The following ANO10 variants were observed in gnomAD, a reference collection of about 807,000 sequenced individuals.
ANO10 encodes anoctamin 10, also known as anoctamin-10.
A neutral mutation model predicts 74.7 loss-of-function variants in ANO10; 77 were observed. The observed-to-expected ratio is 1.03, with a 90% CI of 0.86 to 1.25. The LOEUF is 1.25. ANO10 is among the 50% of genes most tolerant of loss of function. The pLI, the probability that ANO10 is intolerant of heterozygous loss-of-function variation, is 0.00. For missense variants in ANO10, 721 were observed against 778.1 expected, an observed-to-expected ratio of 0.93 and a Z score of 0.87; for synonymous variants, 279 against 284.9, an observed-to-expected ratio of 0.98 and a Z score of 0.21.
At chr3:43,480,233 G>A (rs2076215589) in intron 11 of ANO10, among the ~76,000 whole-genome samples, 1 of 152,034 alleles carries the variant, frequency 6.6e-6, no homozygotes, top group Admixed American at 6.6e-5. Flanking sequence ...TACAACAAAT[G>A]GTAAGTCCAG....
intron 12 of ANO10, among the ~76,000 whole-genome samples, chr3:43,409,917 TTC>T (rs1294253685): frequency 1.3e-5 from 2 of 152,182 alleles, no homozygotes; most frequent in Admixed American, 6.5e-5. Context: ...TTGAATATTG[TTC>T]TTTCTTTTTT....
At chr3:43,463,113 G>A (rs192643606) in intron 11 of ANO10, among the ~76,000 whole-genome samples, 11 of 152,344 alleles carry the variant, frequency 7.2e-5, no homozygotes, top group Admixed American at 2.6e-4. Context: ...CCCCCACACA[G>A]AGTCTCTACT....
At chr3:43,589,976 A>C (rs1326780590) in intron 4 of ANO10, among the ~76,000 whole-genome samples, 2 of 152,198 alleles carry the variant, frequency 1.3e-5, no homozygotes, top group South Asian at 2.1e-4. Context: ...AAGGTTATAT[A>C]ATAGGGAGGG....
intron 1 of ANO10, chr3:43,690,963 A>G (rs367627114): frequency 4.5e-6 from 7 of 1,558,178 alleles, no homozygotes; most frequent in South Asian, 2.3e-5. Context: ...CGGCTTCGAG[A>G]TAAGTCCCGG....
chr3:43,580,999 T>C (rs576404061), intron 4 of ANO10, among the ~76,000 whole-genome samples: 5 of 152,308 alleles, frequency 3.3e-5, no homozygotes, highest in African/African-American at 1.2e-4. Context: ...TTTAAAAATA[T>C]GTTTCCTTTT....
upstream of ANO10, among the ~76,000 whole-genome samples, chr3:43,623,317 G>A (rs1402835374): frequency 1.3e-5 from 2 of 151,976 alleles, no homozygotes; most frequent in African/African-American, 4.8e-5. Context: ...ATTATTCATT[G>A]TTGTTAATCC....
intron 1 of ANO10, among the ~76,000 whole-genome samples, chr3:43,666,376 C>T (rs1240061612): frequency 2.6e-5 from 4 of 152,070 alleles, no homozygotes; most frequent in African/African-American, 7.2e-5. Context: ...AACTAAACCT[C>T]GTAATTAGTT....
intron 11 of ANO10, among the ~76,000 whole-genome samples, chr3:43,458,528 A>T (rs775743284): frequency 1.3e-5 from 2 of 152,204 alleles, no homozygotes; most frequent in Non-Finnish European, 2.9e-5. Context: ...CTACATAGGA[A>T]ATATTTCTAC....
At chr3:43,661,941 C>A (rs765206050) in intron 1 of ANO10, among the ~76,000 whole-genome samples, 1 of 152,092 alleles carries the variant, frequency 6.6e-6, no homozygotes, top group Non-Finnish European at 1.5e-5. Context: ...ACTTAGATTC[C>A]CACACAATAA....
intron 11 of ANO10, among the ~76,000 whole-genome samples, chr3:43,443,750 G>A (rs1019289184): frequency 3.6e-5 from 5 of 140,230 alleles, no homozygotes; most frequent in African/African-American, 8.1e-5. Flanking sequence ...GCACAGTCTC[G>A]GCTCACTGCA....
chr3:43,501,153 T>C (rs1189248446), intron 11 of ANO10, among the ~76,000 whole-genome samples: 1 of 152,192 alleles, frequency 6.6e-6, no homozygotes, highest in South Asian at 2.1e-4. Context: ...AGCATCTCCA[T>C]CTGGTGGGAG....
intron 11 of ANO10, among the ~76,000 whole-genome samples, chr3:43,545,120 T>C (rs993021998): frequency 6.6e-6 from 1 of 152,188 alleles, no homozygotes; most frequent in African/African-American, 2.4e-5. Flanking sequence ...ATGGCATTTT[T>C]TGAGTTAGTA....
chr3:43,688,609 G>A (rs759370919), intron 1 of ANO10, among the ~76,000 whole-genome samples: 8 of 152,194 alleles, frequency 5.3e-5, no homozygotes, highest in Non-Finnish European at 1.2e-4. Flanking sequence ...TTGGGAGGCA[G>A]TGGAGGGAGG....
intron 12 of ANO10, among the ~76,000 whole-genome samples, chr3:43,392,721 C>T (rs868745138): frequency 4.6e-5 from 7 of 152,178 alleles, no homozygotes; most frequent in Non-Finnish European, 8.8e-5. Flanking sequence ...GCCCTCTTCT[C>T]CACTCCTCAT....
intron 11 of ANO10, among the ~76,000 whole-genome samples, chr3:43,472,806 G>A (rs1002455089): frequency 6.6e-5 from 10 of 152,306 alleles, no homozygotes; most frequent in African/African-American, 2.4e-4. Flanking sequence ...GATTAAATAG[G>A]AGACTATCCT....
intron 1 of ANO10, among the ~76,000 whole-genome samples, chr3:43,661,047 C>T (rs1401393307): frequency 1.3e-5 from 2 of 152,176 alleles, no homozygotes; most frequent in African/African-American, 4.8e-5. Context: ...TCAGGATATA[C>T]AGAGACCACT....
intron 2 of ANO10, among the ~76,000 whole-genome samples, chr3:43,603,411 T>C (rs1440612975): frequency 1.3e-5 from 2 of 152,200 alleles, no homozygotes; most frequent in African/African-American, 4.8e-5. Flanking sequence ...CTCTTCTTTC[T>C]TGGAGGCTTG....
chr3:43,657,705 T>C (rs960986565), intron 1 of ANO10, among the ~76,000 whole-genome samples: 1 of 152,248 alleles, frequency 6.6e-6, no homozygotes, highest in African/African-American at 2.4e-5. Context: ...GCCTTTGTTC[T>C]GGCCCTGTTA....
intron 12 of ANO10, among the ~76,000 whole-genome samples, chr3:43,391,237 C>G (rs1054880739): frequency 6.6e-6 from 1 of 152,142 alleles, no homozygotes; most frequent in Non-Finnish European, 1.5e-5. Context: ...GTTTATCAAA[C>G]TTCTCAAACT....
Sources: gnomAD v4.1 joint callset for allele counts (sites outside exome capture counted in the v4.1 genomes callset) on GRCh38, gnomAD v4.1.1 for gene constraint, MANE v1.5 for transcripts, NCBI Gene and HGNC (gene_info 2026-07-23, HGNC 2026-07-21) for gene names.